Variants in RAPGEF4 observed in about 807,000 individuals in gnomAD.
The protein encoded by RAPGEF4 is RAP guanine-nucleotide-exchange factor (GEF) 4.
Under a neutral mutation model 147.9 loss-of-function variants are expected in RAPGEF4, and 66 were observed. That is an observed-to-expected ratio of 0.45 (90% CI 0.37 to 0.55). The LOEUF (loss-of-function observed/expected upper bound fraction) is 0.55. Among genes scored for constraint, RAPGEF4 ranks in the 20% least tolerant of loss-of-function variants. RAPGEF4 has a pLI of 0.00. For missense variants in RAPGEF4, 1,071 were observed against 1,257.3 expected, an observed-to-expected ratio of 0.85 and a Z score of 2.24; for synonymous variants, 419 against 442.7, an observed-to-expected ratio of 0.95 and a Z score of 0.67.
At chr2:172,942,568 TAAA>T (rs60948094) in intron 6 of RAPGEF4, among the ~76,000 whole-genome samples, 88 of 107,836 alleles carry the variant, frequency 8.2e-4, no homozygotes, top group Non-Finnish European at 1.2e-3. Context: ...TAGAGTCTGG[TAAA>T]AAAAAAAAAA....
At chr2:172,873,628 A>G (rs778528072) in intron 4 of RAPGEF4, among the ~76,000 whole-genome samples, 4 of 152,208 alleles carry the variant, frequency 2.6e-5, no homozygotes, top group Non-Finnish European at 5.9e-5. Flanking sequence ...TTATCAGGAC[A>G]TAGGCATGGA....
intron 29 of RAPGEF4, among the ~76,000 whole-genome samples, chr2:173,047,973 G>A (rs571296049): frequency 3.0e-4 from 45 of 152,334 alleles, no homozygotes; most frequent in African/African-American, 9.4e-4. Flanking sequence ...ACTGCACCTG[G>A]CCTGTTTTCT....
chr2:172,974,586 G>C (rs1391784202), intron 10 of RAPGEF4, among the ~76,000 whole-genome samples: 1 of 152,184 alleles, frequency 6.6e-6, no homozygotes, highest in Non-Finnish European at 1.5e-5. Context: ...AGGAGGCTGA[G>C]GTGGGAGAAT....
intron 2 of RAPGEF4, among the ~76,000 whole-genome samples, chr2:172,795,964 T>C (rs774193198): frequency 6.6e-6 from 1 of 152,252 alleles, no homozygotes; most frequent in African/African-American, 2.4e-5. Flanking sequence ...GCTGAAGGAC[T>C]ATTTCTTTCT....
intron 29 of RAPGEF4, among the ~76,000 whole-genome samples, chr2:173,037,241 A>G (rs1684146908): frequency 6.6e-6 from 1 of 152,090 alleles, no homozygotes; most frequent in Non-Finnish European, 1.5e-5. Flanking sequence ...ATTGTTGGAG[A>G]CAGGGTCTCT....
chr2:172,884,819 T>A (rs1697005685), intron 4 of RAPGEF4, among the ~76,000 whole-genome samples: 1 of 152,244 alleles, frequency 6.6e-6, no homozygotes, highest in Admixed American at 6.5e-5. Context: ...TAGCAGAGTT[T>A]TGTCTTTGAT....
intron 26 of RAPGEF4, among the ~76,000 whole-genome samples, 168 bp downstream of exon 26, chr2:173,030,422 G>A (rs1697081568): frequency 6.6e-6 from 1 of 152,178 alleles, no homozygotes; most frequent in African/African-American, 2.4e-5. Context: ...CTCAGAGGGA[G>A]AATTTTTAAA....
At chr2:172,846,098 T>G (rs1559072638) in intron 4 of RAPGEF4, among the ~76,000 whole-genome samples, 2 of 152,248 alleles carry the variant, frequency 1.3e-5, no homozygotes, top group African/African-American at 4.8e-5. Context: ...TATTGAGGTG[T>G]ACTTTATATA....
chr2:172,809,867 C>T (rs927589856), intron 3 of RAPGEF4, among the ~76,000 whole-genome samples: 2 of 152,070 alleles, frequency 1.3e-5, no homozygotes, highest in African/African-American at 4.8e-5. Flanking sequence ...TAAATTTCCC[C>T]TAATGAATAA....
intron 6 of RAPGEF4, among the ~76,000 whole-genome samples, chr2:172,957,137 T>C (rs1274574073): frequency 6.6e-6 from 1 of 152,134 alleles, no homozygotes; most frequent in East Asian, 1.9e-4. Context: ...CCATAAACAA[T>C]GGGAGTCAGA....
chr2:172,821,190 A>G (rs889214363), intron 4 of RAPGEF4, among the ~76,000 whole-genome samples: 1 of 152,202 alleles, frequency 6.6e-6, no homozygotes, highest in Admixed American at 6.5e-5. Flanking sequence ...CCATACTAAC[A>G]ATTTCAGGTT....
intron 4 of RAPGEF4, among the ~76,000 whole-genome samples, chr2:172,865,023 C>G (rs1373661437): frequency 6.6e-6 from 1 of 152,210 alleles, no homozygotes. Flanking sequence ...GCCCTTGTCA[C>G]CTACCAGGTC....
chr2:172,900,187 T>G (rs1698924909), intron 4 of RAPGEF4, among the ~76,000 whole-genome samples: 1 of 152,234 alleles, frequency 6.6e-6, no homozygotes, highest in Non-Finnish European at 1.5e-5. Context: ...AGCAACCATT[T>G]AAAGCTGCAA....
chr2:172,906,670 G>A (rs1226734428), intron 4 of RAPGEF4, among the ~76,000 whole-genome samples: 1 of 152,204 alleles, frequency 6.6e-6, no homozygotes, highest in African/African-American at 2.4e-5. Context: ...TGGCCTGCCT[G>A]GTGGAGGCTC....
At chr2:172,745,033 T>A (rs867174345) in intron 1 of RAPGEF4, among the ~76,000 whole-genome samples, 1 of 152,176 alleles carries the variant, frequency 6.6e-6, no homozygotes, top group South Asian at 2.1e-4. Flanking sequence ...TACTTTCATG[T>A]CAATTCATGA....
At chr2:172,921,530 G>A (rs1014213985) in intron 5 of RAPGEF4, among the ~76,000 whole-genome samples, 3 of 152,130 alleles carry the variant, frequency 2.0e-5, no homozygotes, top group Non-Finnish European at 4.4e-5. Flanking sequence ...TTTGAAGATA[G>A]GTGCAAACCA....
chr2:172,976,069 T>C (rs1257269918), intron 10 of RAPGEF4, among the ~76,000 whole-genome samples: 1 of 152,240 alleles, frequency 6.6e-6, no homozygotes, highest in African/African-American at 2.4e-5. Flanking sequence ...TTCATAAAGC[T>C]TTTGCCCTTT....
At chr2:172,998,237 G>C (rs148589919) in intron 16 of RAPGEF4, among the ~76,000 whole-genome samples, 1 of 152,196 alleles carries the variant, frequency 6.6e-6, no homozygotes, top group Non-Finnish European at 1.5e-5. Context: ...TGGCCCTGAA[G>C]GAGGCTGGTA....
intron 4 of RAPGEF4, among the ~76,000 whole-genome samples, chr2:172,817,652 A>G (rs1688634317): frequency 6.6e-6 from 1 of 152,174 alleles, no homozygotes; most frequent in Admixed American, 6.5e-5. Flanking sequence ...AATGTAAACT[A>G]GTGCAACCAC....
Sources: gnomAD v4.1 joint callset for allele counts (sites outside exome capture counted in the v4.1 genomes callset) on GRCh38, gnomAD v4.1.1 for gene constraint, MANE v1.5 for transcripts, NCBI Gene and HGNC (gene_info 2026-07-23, HGNC 2026-07-21) for gene names.